Variants in LSM1 observed in about 807,000 individuals in gnomAD.
LSM1 encodes the protein LSM1 homolog, mRNA degradation associated.
A neutral mutation model predicts 18.0 loss-of-function variants in LSM1; 13 were observed. The ratio of observed to expected loss-of-function variants is 0.72; its 90% CI spans 0.47 to 1.15. The LOEUF is 1.15. LSM1 is among the 50% of genes most tolerant of loss of function. LSM1 has a pLI of 0.00. For missense variants in LSM1, 152 were observed against 157.7 expected, an observed-to-expected ratio of 0.96 and a Z score of 0.19; for synonymous variants, 46 against 56.0, an observed-to-expected ratio of 0.82 and a Z score of 0.80.
intron 2 of LSM1, among the ~76,000 whole-genome samples, chr8:38,171,278 A>T (rs1021608276): frequency 1.3e-5 from 2 of 152,162 alleles, no homozygotes; most frequent in Non-Finnish European, 2.9e-5. Context: ...CGCGCCTATA[A>T]TCTCAGCACT....
intron 3 of LSM1, among the ~76,000 whole-genome samples, chr8:38,167,843 G>A (rs184663202): frequency 5.5e-4 from 83 of 152,158 alleles, no homozygotes; most frequent in Non-Finnish European, 9.6e-4. Context: ...AAGCCTAGGA[G>A]TTTGAATCTA....
intron 3 of LSM1, among the ~76,000 whole-genome samples, chr8:38,168,185 T>TAC (rs1802969306): frequency 6.6e-6 from 1 of 151,230 alleles, no homozygotes; most frequent in Admixed American, 6.6e-5. Flanking sequence ...ATGGTCTCGA[T>TAC]CTCCTGACCT....
chr8:38,175,224 G>A (rs1803108192), intron 1 of LSM1, among the ~76,000 whole-genome samples: 1 of 151,338 alleles, frequency 6.6e-6, no homozygotes, highest in South Asian at 2.1e-4. Context: ...GGGATTACAG[G>A]CACCGCCATA....
chr8:38,173,040 G>A (rs1377079902), intron 1 of LSM1, among the ~76,000 whole-genome samples: 1 of 152,146 alleles, frequency 6.6e-6, no homozygotes, highest in Non-Finnish European at 1.5e-5. Flanking sequence ...GGAGAGAAGT[G>A]GTTACAGAAG....
At chr8:38,164,514 CT>C (rs11322150) in intron 3 of LSM1, among the ~76,000 whole-genome samples, 22,174 of 143,294 alleles carry the variant, frequency 0.15, 2,002 homozygotes, top group East Asian at 0.3. Flanking sequence ...TGGCCTTAGA[CT>C]TTTTTTTTTT....
intron 1 of LSM1, among the ~76,000 whole-genome samples, chr8:38,174,884 C>T (rs577156480): frequency 1.3e-5 from 2 of 151,450 alleles, no homozygotes; most frequent in East Asian, 2.0e-4. Context: ...ATTAGCTGGG[C>T]GTGCTGGCAG....
intron 1 of LSM1, among the ~76,000 whole-genome samples, chr8:38,172,393 C>T (rs1803047612): frequency 6.7e-6 from 1 of 148,254 alleles, no homozygotes; most frequent in Non-Finnish European, 1.5e-5. Flanking sequence ...ACAATCTCGG[C>T]TTACTACAAC....
intron 3 of LSM1, among the ~76,000 whole-genome samples, chr8:38,168,499 G>A (rs1218511132): frequency 6.6e-6 from 1 of 150,566 alleles, no homozygotes; most frequent in Non-Finnish European, 1.5e-5. Context: ...GCTGAGGCAG[G>A]AGAATCACTT....
At chr8:38,169,771 G>A (rs781233539) in intron 3 of LSM1, 31 bp downstream of exon 3, 1 of 1,245,152 alleles carries the variant, frequency 8.0e-7, no homozygotes, top group East Asian at 2.3e-5. Flanking sequence ...TGAATATGAA[G>A]ATCTACAGCA....
chr8:38,172,439 G>C (rs1203254500), intron 1 of LSM1, among the ~76,000 whole-genome samples: 1 of 150,862 alleles, frequency 6.6e-6, no homozygotes, highest in South Asian at 2.1e-4. Context: ...CTCCTGCATC[G>C]GCCTCCTTAG....
chr8:38,166,804 T>G (rs964137860), intron 3 of LSM1, among the ~76,000 whole-genome samples: 1 of 152,228 alleles, frequency 6.6e-6, no homozygotes, highest in African/African-American at 2.4e-5. Flanking sequence ...TATTACCACC[T>G]GCCCTCCCAA....
intron 3 of LSM1, among the ~76,000 whole-genome samples, chr8:38,169,292 T>G (rs1802987039): frequency 6.6e-6 from 1 of 152,212 alleles, no homozygotes; most frequent in Non-Finnish European, 1.5e-5. Context: ...CTGGTCTTTC[T>G]GGCACAGATA....
rs10095098 is a variant in LSM1, at chr8:38,170,510, A to C, written c.116-593T>G. Among the ~76,000 whole-genome samples, 1,400 of 152,332 alleles carry C rather than the reference A, an allele frequency of 9.2e-3. 20 individuals carry two copies. The highest frequency in any genetic ancestry group is 0.031 in the African/African-American group (1,293 of 41,572). ...CAGTTAATTGCTAATACCAAAAAAA[A>C]CCATAGGAAAATATAAATGAATAAG... On this transcript the variant is annotated intron_variant, in intron 2 of 3. Transcript: ENST00000311351.
chr8:38,169,207 G>C (rs2130642748), intron 3 of LSM1, among the ~76,000 whole-genome samples: 1 of 152,198 alleles, frequency 6.6e-6, no homozygotes, highest in East Asian at 1.9e-4. Flanking sequence ...AGGGGTGTGT[G>C]TGTGTATGTC....
At position 38,163,639 on chromosome 8, in the gene LSM1, C is replaced by A. The variant is rs1175109675; in HGVS notation, c.*31G>T. Reference sequence around the variant, plus strand: ...CTTTCACTCAGTGACAGCCCCTACTCTTCAAGAGCCAACAGCCTCTGGGCA... The same window carrying A: ...CTTTCACTCAGTGACAGCCCCTACTATTCAAGAGCCAACAGCCTCTGGGCA... On this transcript the variant is annotated 3_prime_UTR_variant, in exon 4 of 4. Transcript: ENST00000311351. 6.2e-7 allele frequency: 1 copy of A among 1,609,714 alleles called. No homozygotes were observed. Among genetic ancestry groups the A allele is most frequent in the East Asian group, 2.2e-5 (1 of 44,836 alleles).
intron 3 of LSM1, among the ~76,000 whole-genome samples, chr8:38,168,614 A>C (rs1802977261): frequency 6.6e-6 from 1 of 151,250 alleles, no homozygotes; most frequent in Admixed American, 6.6e-5. Context: ...AAACCCAAAA[A>C]ACAAAAAACA....
chr8:38,168,554 G>A (rs1174370154), intron 3 of LSM1, among the ~76,000 whole-genome samples: 1 of 146,314 alleles, frequency 6.8e-6, no homozygotes, highest in African/African-American at 2.5e-5. Flanking sequence ...TCATGCCATT[G>A]CACTCCAGCC....
At position 38,163,454 on chromosome 8, in the gene LSM1, G is replaced by A. The variant is rs1802874608; in HGVS notation, c.*216C>T. The stretch of plus-strand genomic sequence containing the variant: ...GCTGGTGCCACAGTGATGTGTGAAG[G>A]AGTCTATGCCACTGTTTCTTTAAAC... On this transcript the variant is annotated 3_prime_UTR_variant, in exon 4 of 4. Transcript: ENST00000311351. 2.2e-6 allele frequency: 1 copy of A among 461,880 alleles called. No individual in the cohort carries two copies. Among genetic ancestry groups the A allele is most frequent in the African/African-American group, 1.9e-5 (1 of 51,844 alleles). 28.6% of individuals were successfully genotyped at this position (461,880 alleles called of 1,614,324 possible).
chr8:38,169,852 G>T lies in LSM1; in HGVS notation c.181C>A (p.Arg61=). 6.2e-7 allele frequency: 1 copy of T among 1,613,772 alleles called. No individual in the cohort carries two copies. Among genetic ancestry groups the T allele is most frequent in the Non-Finnish European group, 8.5e-7 (1 of 1,179,846 alleles). The change falls in exon 3 of 4, where the codon CGA becomes AGA. Residue 61 remains arginine, a synonymous_variant. Transcript: ENST00000311351. ...TCTCCTCTGACCACAAAAATCCCTC[G>T]AGGAATATCACCGTATTTTTTGCCC... ...HVGKKYGDIP[R]GIFVVRGENV... is the part of the protein sequence containing the mutation.
Sources: allele counts gnomAD v4.1 joint callset (sites outside exome capture counted in the v4.1 genomes callset), GRCh38; gene constraint gnomAD v4.1.1; transcripts MANE v1.5; gene names NCBI Gene and HGNC (gene_info 2026-07-23, HGNC 2026-07-21).